ROBO2: variants seen among roughly 807,000 people sequenced by gnomAD.
ROBO2 encodes the protein roundabout guidance receptor 2.
Under a neutral mutation model 160.8 loss-of-function variants are expected in ROBO2, and 53 were observed. The ratio of observed to expected loss-of-function variants is 0.33; its 90% confidence interval spans 0.26 to 0.41. ROBO2 has a LOEUF of 0.41. Ranked by LOEUF, ROBO2 falls within the 10% of genes least tolerant of loss-of-function variation. The pLI is 1.00. For missense variants in ROBO2, 1,577 were observed against 1,722.4 expected (o/e 0.92, Z 1.49); for synonymous variants, 664 against 611.7 (o/e 1.09, Z -1.26).
At chr3:76,094,278 A>T (rs2069352258) in intron 2 of ROBO2, among the ~76,000 whole-genome samples, 1 of 152,228 alleles carries the variant, frequency 6.6e-6, no homozygotes, top group Non-Finnish European at 1.5e-5. Flanking sequence ...GACCAGATGG[A>T]TGCGGCAAAG....
intron 2 of ROBO2, among the ~76,000 whole-genome samples, chr3:76,126,063 C>T (rs890782068): frequency 6.6e-6 from 1 of 152,128 alleles, no homozygotes; most frequent in Non-Finnish European, 1.5e-5. Context: ...ATCCACCCTC[C>T]TCGGCCTCCC....
At chr3:76,072,254 T>G (rs2068485613) in intron 2 of ROBO2, among the ~76,000 whole-genome samples, 1 of 151,946 alleles carries the variant, frequency 6.6e-6, no homozygotes, top group African/African-American at 2.4e-5. Flanking sequence ...AAAATCTTTG[T>G]TGGTTTTTTT....
exon 1 of ROBO2, chr3:77,040,294 G>A: frequency 2.0e-6 from 2 of 993,774 alleles, no homozygotes; most frequent in Non-Finnish European, 2.4e-6. Flanking sequence ...AAATAACTCC[G>A]GACGTGGAGC....
chr3:76,815,059 A>C (rs1400339082), intron 2 of ROBO2, among the ~76,000 whole-genome samples: 1 of 152,104 alleles, frequency 6.6e-6, no homozygotes, highest in Non-Finnish European at 1.5e-5. Context: ...AGTTGTGAGC[A>C]GAAAATTAAA....
intron 2 of ROBO2, among the ~76,000 whole-genome samples, chr3:75,987,456 A>G (rs1298485786): frequency 6.6e-6 from 1 of 151,604 alleles, no homozygotes; most frequent in Admixed American, 6.6e-5. Flanking sequence ...TGTGTGTGTG[A>G]TCTTTAGAGT....
chr3:76,565,474 T>C (rs1179881020), intron 2 of ROBO2, among the ~76,000 whole-genome samples: 1 of 152,194 alleles, frequency 6.6e-6, no homozygotes, highest in Admixed American at 6.5e-5. Flanking sequence ...TTTTATGGCG[T>C]CAAGTTTAGT....
At chr3:76,768,243 T>G (rs2061680896) in intron 2 of ROBO2, among the ~76,000 whole-genome samples, 1 of 151,514 alleles carries the variant, frequency 6.6e-6, no homozygotes, top group Non-Finnish European at 1.5e-5. Flanking sequence ...CCAACTTGTT[T>G]TACACAGTGC....
chr3:76,520,077 G>A (rs998437620), intron 2 of ROBO2, among the ~76,000 whole-genome samples: 9 of 152,092 alleles, frequency 5.9e-5, no homozygotes, highest in Non-Finnish European at 1.2e-4. Context: ...CCTGGGAGTG[G>A]CTGCTTCCCT....
At chr3:77,202,971 T>C (rs2083058690) in intron 2 of ROBO2, among the ~76,000 whole-genome samples, 2 of 152,208 alleles carry the variant, frequency 1.3e-5, no homozygotes. Context: ...TATTTTAGCA[T>C]GTAGGAAAAC....
chr3:77,481,360 G>A (rs2084669822), intron 4 of ROBO2, 141 bp downstream of exon 4: 1 of 588,686 alleles, frequency 1.7e-6, no homozygotes. Flanking sequence ...GAATTATCTT[G>A]TTTTCTGTCT....
At chr3:76,382,449 G>A (rs539884775) in intron 2 of ROBO2, among the ~76,000 whole-genome samples, 2 of 152,096 alleles carry the variant, frequency 1.3e-5, no homozygotes, top group Non-Finnish European at 2.9e-5. Flanking sequence ...TTATCCGGGC[G>A]CGGTGGCGGC....
intron 6 of ROBO2, among the ~76,000 whole-genome samples, chr3:77,533,214 C>T (rs2091874567): frequency 6.6e-6 from 1 of 152,204 alleles, no homozygotes; most frequent in African/African-American, 2.4e-5. Flanking sequence ...CAGAATCACC[C>T]TTTTTAAGTT....
chr3:76,547,918 TGA>T (rs1280537508), intron 2 of ROBO2, among the ~76,000 whole-genome samples: 2 of 152,182 alleles, frequency 1.3e-5, no homozygotes, highest in East Asian at 3.8e-4. Context: ...ACATCTTCTG[TGA>T]TGGACATCAT....
At chr3:76,500,150 A>AATC (rs1389131068) in intron 2 of ROBO2, among the ~76,000 whole-genome samples, 4 of 152,122 alleles carry the variant, frequency 2.6e-5, no homozygotes, top group Admixed American at 6.5e-5. Flanking sequence ...AGATAATCTC[A>AATC]ATCTGTCACC....
intron 2 of ROBO2, among the ~76,000 whole-genome samples, chr3:76,450,617 A>G (rs1194593881): frequency 6.6e-6 from 1 of 152,142 alleles, no homozygotes; most frequent in African/African-American, 2.4e-5. Flanking sequence ...CACCCTGCTC[A>G]TGAAAATTCT....
chr3:76,921,137 T>C (rs540031772), intron 2 of ROBO2, among the ~76,000 whole-genome samples: 1 of 152,292 alleles, frequency 6.6e-6, no homozygotes, highest in Non-Finnish European at 1.5e-5. Flanking sequence ...TGGCTGCAAA[T>C]TGATCCATAA....
intron 2 of ROBO2, among the ~76,000 whole-genome samples, chr3:76,185,215 T>TATATAGATATATATATATACAC: frequency 1.1e-5 from 1 of 90,312 alleles, no homozygotes; most frequent in Non-Finnish European, 2.3e-5. Context: ...TATATATATA[T>TATATAGATATATATATATACAC]ACACACACAA....
chr3:76,246,461 A>G (rs17140559), intron 2 of ROBO2, among the ~76,000 whole-genome samples: 1,673 of 152,174 alleles, frequency 0.011, 35 homozygotes, highest in African/African-American at 0.037. Context: ...GTTACTCAGC[A>G]TTTTCTGGTT....
At chr3:77,107,353 A>G (rs1349276833) in intron 2 of ROBO2, among the ~76,000 whole-genome samples, 1 of 152,182 alleles carries the variant, frequency 6.6e-6, no homozygotes, top group East Asian at 1.9e-4. Flanking sequence ...GGATGCAATG[A>G]CAGACAGGGC....
Sources: allele counts gnomAD v4.1 joint callset (sites outside exome capture counted in the v4.1 genomes callset), GRCh38; gene constraint gnomAD v4.1.1; transcripts MANE v1.5; gene names NCBI Gene and HGNC (gene_info 2026-07-23, HGNC 2026-07-21).